Variants in CTNNA2 observed in about 807,000 individuals in gnomAD.
CTNNA2 encodes catenin alpha-2.
In CTNNA2, 42 loss-of-function variants were observed where a neutral mutation model predicts 101.0. The observed-to-expected ratio is 0.42, with a 90% CI of 0.32 to 0.54. CTNNA2 has a LOEUF of 0.54. CTNNA2 is among the 20% of genes least tolerant of loss of function. CTNNA2 has a pLI of 0.14. For synonymous variants in CTNNA2, 450 were observed against 456.4 expected (o/e 0.99, Z 0.18); for missense variants, 871 against 1,223.1 (o/e 0.71, Z 4.29).
chr2:79,282,921 T>C (rs764772246), intron 2 of CTNNA2, among the ~76,000 whole-genome samples: 5,259 of 92,358 alleles, frequency 0.057, 523 homozygotes, highest in Non-Finnish European at 0.094. Flanking sequence ...CAGCACCTGT[T>C]GTTTCCTGAC....
At chr2:79,398,395 C>A (rs746253306) in intron 4 of CTNNA2, among the ~76,000 whole-genome samples, 17 of 152,080 alleles carry the variant, frequency 1.1e-4, no homozygotes. Context: ...CAAGTTCAGA[C>A]AAACTTTAAA....
chr2:79,786,560 A>G (rs1379464386), intron 3 of CTNNA2, among the ~76,000 whole-genome samples: 1 of 151,984 alleles, frequency 6.6e-6, no homozygotes, highest in Non-Finnish European at 1.5e-5. Flanking sequence ...AGGTGAAACT[A>G]GTTGCCACAC....
At chr2:79,910,104 A>G (rs1685683598) in intron 7 of CTNNA2, among the ~76,000 whole-genome samples, 1 of 152,204 alleles carries the variant, frequency 6.6e-6, no homozygotes, top group African/African-American at 2.4e-5. Context: ...TTCAATTGGT[A>G]AAGGTAGATG....
intron 3 of CTNNA2, among the ~76,000 whole-genome samples, chr2:79,816,062 G>C (rs997118586): frequency 1.1e-4 from 16 of 152,012 alleles, no homozygotes; most frequent in Non-Finnish European, 2.2e-4. Flanking sequence ...CTTGGTCGCT[G>C]TTGGTGTATA....
intron 2 of CTNNA2, chr2:79,292,839 C>A (rs960391692): frequency 6.6e-6 from 1 of 152,260 alleles, no homozygotes; most frequent in African/African-American, 2.4e-5. Context: ...TGGAGCATTT[C>A]TGAGTGGGGA....
intron 8 of CTNNA2, among the ~76,000 whole-genome samples, chr2:80,395,076 T>TGAA (rs1677884469): frequency 6.6e-6 from 1 of 152,166 alleles, no homozygotes; most frequent in African/African-American, 2.4e-5. Flanking sequence ...GAAAAAGTAA[T>TGAA]TTTTACTCTT....
intron 2 of CTNNA2, among the ~76,000 whole-genome samples, chr2:79,675,929 C>T (rs1683156231): frequency 1.3e-5 from 2 of 152,154 alleles, no homozygotes; most frequent in African/African-American, 2.4e-5. Flanking sequence ...CAGGTACATC[C>T]TATGTCCCAC....
intron 7 of CTNNA2, among the ~76,000 whole-genome samples, chr2:80,095,142 G>T (rs1700063238): frequency 1.3e-5 from 2 of 152,316 alleles, no homozygotes; most frequent in South Asian, 4.1e-4. Context: ...CTGTGGGTTT[G>T]TCATAGATAG....
rs1676381550 is a variant in CTNNA2 at position 80,302,164 on chromosome 2, C to T, written c.1057-91047C>T. 2 of 1,513,646 alleles carry T rather than the reference C, an allele frequency of 1.3e-6. No homozygotes were observed. Among genetic ancestry groups the T allele is most frequent in the South Asian group, 1.3e-5 (1 of 76,854 alleles). 93.8% of individuals were successfully genotyped at this position (1,513,646 alleles called of 1,614,324 possible). A position where few individuals can be genotyped will look rare whatever the true frequency, so the allele number is the denominator to read the frequency against. Reference sequence around the variant, plus strand: ...GTCAAGGAGCATATCAGAGCACAGACAAGGAGACCCCAGCCTGGTGCCCGC... The same window carrying T: ...GTCAAGGAGCATATCAGAGCACAGATAAGGAGACCCCAGCCTGGTGCCCGC... On this transcript the variant is annotated intron_variant, in intron 7 of 18. Transcript: ENST00000402739. The surrounding 1 kb of genome is among the most constrained non-coding windows in gnomAD (Gnocchi z 6.4).
chr2:79,705,840 T>C (rs1267223498), intron 2 of CTNNA2, among the ~76,000 whole-genome samples: 1 of 152,220 alleles, frequency 6.6e-6, no homozygotes, highest in African/African-American at 2.4e-5. Flanking sequence ...AAAAAGAGTA[T>C]GCTTCTTTGC....
chr2:80,072,966 G>A (rs1698438081), intron 7 of CTNNA2, among the ~76,000 whole-genome samples: 1 of 152,216 alleles, frequency 6.6e-6, no homozygotes, highest in Non-Finnish European at 1.5e-5. Context: ...CACATGTGAT[G>A]TATGAGTCTA....
intron 6 of CTNNA2, among the ~76,000 whole-genome samples, chr2:79,894,044 CTTCTTCTTCTTCTTCT>C (rs1558619566): frequency 2.8e-4 from 38 of 134,876 alleles, no homozygotes; most frequent in African/African-American, 5.9e-4. Context: ...TCTTCTTCTT[CTTCTTCTTCTTCTTCT>C]TCTTCCTCCT....
intron 2 of CTNNA2, among the ~76,000 whole-genome samples, chr2:79,682,430 A>AG (rs1428365233): frequency 1.3e-5 from 2 of 148,946 alleles, no homozygotes; most frequent in African/African-American, 5.0e-5. Context: ...AAAAAAAAAA[A>AG]AAGAAGAAAG....
chr2:79,992,262 C>A (rs949166280), intron 7 of CTNNA2, among the ~76,000 whole-genome samples: 1 of 151,714 alleles, frequency 6.6e-6, no homozygotes, highest in Non-Finnish European at 1.5e-5. Context: ...GGAATGGCAA[C>A]GTTCACATTA....
intron 7 of CTNNA2, among the ~76,000 whole-genome samples, chr2:79,947,498 ATAAAGT>A (rs1574382086): frequency 1.3e-5 from 2 of 152,184 alleles, no homozygotes; most frequent in East Asian, 3.8e-4. Flanking sequence ...AGCCTTTCTT[ATAAAGT>A]AGTAGACACA....
chr2:80,259,197 A>G lies in CTNNA2; in HGVS notation c.1057-134014A>G, dbSNP rs75497682. ...ATACTGGGTAGCTGCTATGAGTAGCATTATGTAATTAGACAGCCCATTTGG... is the reference window on the plus strand; with the variant it reads ...ATACTGGGTAGCTGCTATGAGTAGCGTTATGTAATTAGACAGCCCATTTGG... On this transcript the variant is annotated intron_variant, in intron 7 of 18. Transcript: ENST00000402739. 6.8e-3 allele frequency among the ~76,000 whole-genome samples: 1,037 copies of G among 152,286 alleles called. 19 individuals are homozygous for G. Among genetic ancestry groups the G allele is most frequent in the African/African-American group, 0.023 (975 of 41,556 alleles).
intron 7 of CTNNA2, among the ~76,000 whole-genome samples, chr2:80,005,825 G>C (rs1693303304): frequency 6.6e-6 from 1 of 151,026 alleles, no homozygotes. Flanking sequence ...TTTCATATCA[G>C]TGGTTTTCAA....
chr2:79,583,456 G>T (rs750480873), intron 1 of CTNNA2, among the ~76,000 whole-genome samples: 15 of 151,804 alleles, frequency 9.9e-5, no homozygotes, highest in Non-Finnish European at 1.9e-4. Context: ...GTGTGTTTCA[G>T]TCAATTTTAG....
At chr2:79,867,806 A>G (rs945218619) in intron 4 of CTNNA2, among the ~76,000 whole-genome samples, 2 of 152,148 alleles carry the variant, frequency 1.3e-5, no homozygotes, top group African/African-American at 4.8e-5. Flanking sequence ...GCTCCCTCTG[A>G]GATAATTATT....
Sources: allele counts gnomAD v4.1 joint callset (sites outside exome capture counted in the v4.1 genomes callset), GRCh38; gene constraint gnomAD v4.1.1; non-coding constraint Gnocchi (gnomAD v3.1); transcripts MANE v1.5; gene names NCBI Gene and HGNC (gene_info 2026-07-23, HGNC 2026-07-21).